NSD2: variants seen among roughly 807,000 people sequenced by gnomAD.
NSD2 encodes nuclear receptor binding SET domain protein 2.
In NSD2, 12 loss-of-function variants were observed where a neutral mutation model predicts 139.0. That is an observed-to-expected ratio of 0.09 (90% CI 0.06 to 0.14). The LOEUF is 0.14. Ranked by LOEUF, NSD2 falls within the 10% of genes least tolerant of loss-of-function variation. The pLI is 1.00. For missense variants in NSD2, 1,155 were observed against 1,745.0 expected (o/e 0.66, Z 6.02); for synonymous variants, 669 against 648.7 (o/e 1.03, Z -0.48).
At chr4:1,969,991 G>A (rs1444165563) in intron 18 of NSD2, among the ~76,000 whole-genome samples, 1 of 152,204 alleles carries the variant, frequency 6.6e-6, no homozygotes, top group African/African-American at 2.4e-5. Context: ...GCACGAAGGT[G>A]GATGTGGGGA....
intron 1 of NSD2, among the ~76,000 whole-genome samples, chr4:1,872,714 C>A (rs1212526922): frequency 1.3e-5 from 2 of 151,878 alleles, no homozygotes; most frequent in Non-Finnish European, 2.9e-5. Context: ...GTGCTACCCA[C>A]CTGCTTCACA....
In NSD2 at chr4:1,978,832, C is replaced by CT; in HGVS notation, c.4021_4022insT (p.Pro1341LeufsTer94). On this transcript the variant is annotated frameshift_variant, in exon 22 of 22. Transcript: ENST00000508803. LOFTEE classifies it high-confidence loss of function. ...GGTCAGAAGCACCAAGACTGAGAAG[C>CT]CCCCCCCAGAGCCAGGGAAGCCGAA... The CT allele has an allele frequency of 6.3e-7, 1 of 1,598,386 alleles. No homozygotes were observed. Among genetic ancestry groups the CT allele is most frequent in the Non-Finnish European group, 8.5e-7 (1 of 1,169,988 alleles).
chr4:1,913,695 C>G (rs1471908541), intron 3 of NSD2, among the ~76,000 whole-genome samples: 1 of 152,166 alleles, frequency 6.6e-6, no homozygotes, highest in African/African-American at 2.4e-5. Context: ...AGATGACTCA[C>G]ACTCCTTACC....
Position 1,978,665 on chromosome 4 carries a change from G to A in NSD2, c.3854G>A (p.Cys1285Tyr). 6.2e-7 allele frequency: 1 copy of A among 1,613,272 alleles called. No individual in the cohort carries two copies. The highest frequency in any genetic ancestry group is 8.5e-7 in the Non-Finnish European group (1 of 1,179,358). The change falls in exon 22 of 22, where the codon TGT (cysteine) becomes TAT (tyrosine). Residue 1285 changes from cysteine to tyrosine, a missense_variant. This residue lies in a region of NSD2 where 25 missense variants were observed against 75.1 expected (regional missense o/e 0.33). Transcript: ENST00000508803. Reference protein sequence around the residue: ...FGKWECPWHHCDVCGKPSTSF... With the variant: ...FGKWECPWHHYDVCGKPSTSF... ...AAGTGGGAATGTCCTTGGCATCATT[G>A]TGACGTGTGTGGCAAACCTTCGACT...
At position 1,895,693 on chromosome 4, in the gene NSD2, G is replaced by C. The variant is rs1039421976; in HGVS notation, c.-29-4933G>C. 4.7e-4 allele frequency among the ~76,000 whole-genome samples: 71 copies of C among 152,336 alleles called. 1 individual carries two copies. Among genetic ancestry groups the C allele is most frequent in the Non-Finnish European group, 1.9e-4 (13 of 68,028 alleles). On this transcript the variant is annotated intron_variant, in intron 1 of 21. Coordinates refer to ENST00000508803, the MANE Select transcript of NSD2 (RefSeq NM_001042424.3). ...TTTACCTCAGGGGCATCTCTCAGTG[G>C]CTCTCCCGGGGAGAGGGGGGCTCCC...
rs1001281709 is a variant in NSD2, at chr4:1,979,339, A to G, written c.*430A>G. On this transcript the variant is annotated 3_prime_UTR_variant, in exon 22 of 22. Transcript: ENST00000508803. The stretch of plus-strand genomic sequence containing the variant: ...CTTTCTGGCTCTCAGCGCCGTCGCC[A>G]CTCGGGAGAGGCTGGGTGAGGCCCG... 4.2e-6 allele frequency: 1 copy of G among 238,938 alleles called. No individual in the cohort carries two copies. Among genetic ancestry groups the G allele is most frequent in the African/African-American group, 2.2e-5 (1 of 45,510 alleles). 14.8% of individuals were successfully genotyped at this position (238,938 alleles called of 1,614,324 possible).
rs1724731299 is a variant in NSD2 at position 1,955,573 on chromosome 4, G to A, written c.2519-120G>A. 4.6e-6 allele frequency: 6 copies of A among 1,313,616 alleles called. No individual in the cohort carries two copies. The highest frequency in any genetic ancestry group is 5.6e-5 in the Admixed American group (2 of 35,488). The allele number at this position is 1,313,616 out of a possible 1,614,324, so 81.4% of individuals were successfully genotyped here. On this transcript the variant is annotated intron_variant, in intron 13 of 21. Transcript: ENST00000508803. This position sits in a 1 kb window ranked among gnomAD's most constrained non-coding sequence, Gnocchi z 4.7. The stretch of plus-strand genomic sequence containing the variant: ...TTGCTCTCGTGCTGATGTACAGATC[G>A]CTGTTTTAAAACTGATGTTTATAAG...
At chr4:1,971,311 G>T (rs1159720356) in intron 18 of NSD2, among the ~76,000 whole-genome samples, 1 of 152,066 alleles carries the variant, frequency 6.6e-6, no homozygotes, top group Admixed American at 6.5e-5. Flanking sequence ...AGGCTTTTTT[G>T]ACACCAGAGC....
chr4:1,950,518 CG>C (rs1724098755), intron 9 of NSD2, among the ~76,000 whole-genome samples: 1 of 152,148 alleles, frequency 6.6e-6, no homozygotes, highest in Admixed American at 6.5e-5. Context: ...GGTGTGAGTC[CG>C]GAAGACTCTC....
intron 18 of NSD2, among the ~76,000 whole-genome samples, chr4:1,966,788 T>A (rs897687404): frequency 6.6e-6 from 1 of 152,256 alleles, no homozygotes; most frequent in African/African-American, 2.4e-5. Context: ...TTACTAGTTT[T>A]ACTCATGAAT....
intron 3 of NSD2, among the ~76,000 whole-genome samples, chr4:1,908,611 G>A (rs1157974285): frequency 2.0e-5 from 3 of 152,144 alleles, no homozygotes; most frequent in Admixed American, 2.0e-4. Context: ...AGTGAGGGAA[G>A]GACAGAGTGC....
chr4:1,979,558 C>T lies in NSD2; in HGVS notation c.*649C>T, dbSNP rs1727543687. 8.6e-6 allele frequency: 2 copies of T among 232,780 alleles called. No homozygotes were observed. Among genetic ancestry groups the T allele is most frequent in the African/African-American group, 4.4e-5 (2 of 45,294 alleles). The allele number at this position is 232,780 out of a possible 1,614,324, so 14.4% of individuals were successfully genotyped here. A position where few individuals can be genotyped will look rare whatever the true frequency, so the allele number is the denominator to read the frequency against. On this transcript the variant is annotated 3_prime_UTR_variant, in exon 22 of 22. Coordinates refer to ENST00000508803, the MANE Select transcript of NSD2 (RefSeq NM_001042424.3). ...AAGATTTCCTCCCGTAGTTTTTTCT[C>T]CTCATGGATTTGAATGAAATGCCAA...
chr4:1,875,280 CT>C (rs749123768), intron 1 of NSD2, among the ~76,000 whole-genome samples: 8,883 of 126,568 alleles, frequency 0.07, 844 homozygotes, highest in African/African-American at 0.23. Context: ...TAGCTTTTTA[CT>C]TTTTTTTTTT....
At chr4:1,925,964 G>C (rs1434498876) in intron 5 of NSD2, among the ~76,000 whole-genome samples, 1 of 151,082 alleles carries the variant, frequency 6.6e-6, no homozygotes, top group Non-Finnish European at 1.5e-5. Flanking sequence ...CACCACGCCT[G>C]GCTAACTTTT....
intron 3 of NSD2, among the ~76,000 whole-genome samples, chr4:1,910,278 T>C (rs1459373542): frequency 2.0e-5 from 3 of 151,212 alleles, no homozygotes; most frequent in Admixed American, 1.3e-4. Context: ...CAGGCTGGAG[T>C]GCAGTGTCAC....
Position 1,953,056 on chromosome 4 carries a change from A to T in NSD2, c.2138-268A>T, listed in dbSNP as rs1004961199. 8.2e-6 allele frequency: 12 copies of T among 1,454,894 alleles called. No individual in the cohort carries two copies. In the East Asian group the frequency reaches 2.0e-4, roughly 24 times the overall value. The allele number at this position is 1,454,894 out of a possible 1,614,324, so 90.1% of individuals were successfully genotyped here. ...TTCTTTCAAGCTTCTTGCCAGTTAG[A>T]CTGGGCCTCCCCAGCCAGGCTGCCT... On this transcript the variant is annotated intron_variant, in intron 11 of 21. Transcript: ENST00000508803.
Position 1,900,625 on chromosome 4 carries a change from GT to G in NSD2, c.-29del. On this transcript the variant is annotated splice_region_variant and 5_prime_UTR_variant, in exon 2 of 22. Coordinates refer to ENST00000508803, the MANE Select transcript of NSD2 (RefSeq NM_001042424.3). ...CTTTTTTCTTTTTTTTAATACCATAGTGTTCTAAGAACGGAAGCATCTGGGC... is the reference window on the plus strand; with the variant it reads ...CTTTTTTCTTTTTTTTAATACCATAGGTTCTAAGAACGGAAGCATCTGGGC... The G allele has an allele frequency of 6.7e-7, 1 of 1,500,516 alleles. No homozygotes were observed. Among genetic ancestry groups the G allele is most frequent in the Non-Finnish European group, 8.9e-7 (1 of 1,121,090 alleles). 93.0% of individuals were successfully genotyped at this position (1,500,516 alleles called of 1,614,324 possible).
At position 1,956,839 on chromosome 4, in the gene NSD2, C is replaced by T. The variant is rs556089431; in HGVS notation, c.2881+651C>T. On this transcript the variant is annotated intron_variant, in intron 15 of 21. Coordinates refer to ENST00000508803, the MANE Select transcript of NSD2 (RefSeq NM_001042424.3). This position sits in a 1 kb window ranked among gnomAD's most constrained non-coding sequence, Gnocchi z 5.3. ...TGTTGCAGCCGGGTCAGTGCTGGCT[C>T]CTGTGTGACTGCAGGCGGGGACCCG... 2.6e-5 allele frequency among the ~76,000 whole-genome samples: 4 copies of T among 152,328 alleles called. No individual in the cohort carries two copies. Among genetic ancestry groups the T allele is most frequent in the South Asian group, 2.1e-4 (1 of 4,828 alleles).
intron 9 of NSD2, chr4:1,940,470 C>T (rs201661271): frequency 2.8e-5 from 30 of 1,063,632 alleles, no homozygotes; most frequent in Admixed American, 5.4e-5. Flanking sequence ...TTGCCGTTGC[C>T]AAAAACAACA....
Sources: gnomAD v4.1 joint callset for allele counts (sites outside exome capture counted in the v4.1 genomes callset) on GRCh38, gnomAD v4.1.1 for gene constraint, gnomAD v4.1.1 regional missense constraint, Gnocchi (gnomAD v3.1) non-coding constraint, MANE v1.5 for transcripts, NCBI Gene and HGNC (gene_info 2026-07-23, HGNC 2026-07-21) for gene names.